The following GFOD1 variants were observed in gnomAD, a reference collection of about 807,000 sequenced individuals.
GFOD1 encodes glucose-fructose oxidoreductase domain-containing protein 1.
A neutral mutation model predicts 25.4 loss-of-function variants in GFOD1; 9 were observed. That is an observed-to-expected ratio of 0.35 (90% CI 0.21 to 0.62). GFOD1 has a LOEUF of 0.62. Among genes scored for constraint, GFOD1 ranks in the 20% least tolerant of loss-of-function variants. The pLI, the probability that GFOD1 is intolerant of heterozygous loss-of-function variation, is 0.72. For missense variants in GFOD1, 403 were observed against 556.9 expected (o/e 0.72, Z 2.78); for synonymous variants, 253 against 245.6 (o/e 1.03, Z -0.28).
chr6:13,364,425 A>G lies in GFOD1; in HGVS notation c.*318T>C. ...GGATGGATGAGGTAGGGAGGGAAGC[A>G]ACCCCTCCTTGCTTGTCACAGTAAA... On this transcript the variant is annotated 3_prime_UTR_variant, in exon 2 of 2. Transcript: ENST00000379287. This position sits in a 1 kb window ranked among gnomAD's most constrained non-coding sequence, Gnocchi z 4.1. 3.0e-6 allele frequency: 1 copy of G among 330,062 alleles called. No individual in the cohort carries two copies. The highest frequency in any genetic ancestry group is 5.6e-6 in the Non-Finnish European group (1 of 177,158). The allele number at this position is 330,062 out of a possible 1,614,324, so 20.4% of individuals were successfully genotyped here.
chr6:13,462,857 G>GT (rs1458644282), intron 1 of GFOD1, among the ~76,000 whole-genome samples: 1 of 152,184 alleles, frequency 6.6e-6, no homozygotes, highest in Non-Finnish European at 1.5e-5. Context: ...ATCTCCGTTC[G>GT]TAACATTCTG....
intron 1 of GFOD1, among the ~76,000 whole-genome samples, chr6:13,424,289 T>A (rs768487135): frequency 4.6e-5 from 7 of 152,246 alleles, no homozygotes; most frequent in Non-Finnish European, 8.8e-5. Context: ...ATAACCCTGA[T>A]GCATTGGTTC....
At chr6:13,401,961 G>C (rs1292047017) in intron 1 of GFOD1, among the ~76,000 whole-genome samples, 1 of 152,198 alleles carries the variant, frequency 6.6e-6, no homozygotes, top group East Asian at 1.9e-4. Context: ...CAGTAATCAT[G>C]ATGGTGTACT....
At chr6:13,392,836 G>A (rs560751959) in intron 1 of GFOD1, among the ~76,000 whole-genome samples, 50 of 151,992 alleles carry the variant, frequency 3.3e-4, no homozygotes, top group African/African-American at 1.2e-3. Flanking sequence ...CGGGAGGATC[G>A]CTTGAGGCCA....
intron 1 of GFOD1, chr6:13,469,702 T>C: frequency 1.0e-5 from 12 of 1,181,220 alleles, no homozygotes; most frequent in Non-Finnish European, 9.6e-6. Flanking sequence ...AAAGCCCTTT[T>C]AGACATATCT....
At chr6:13,401,992 A>G (rs757869605) in intron 1 of GFOD1, among the ~76,000 whole-genome samples, 1 of 152,270 alleles carries the variant, frequency 6.6e-6, no homozygotes, top group Non-Finnish European at 1.5e-5. Context: ...GGATGAACAA[A>G]TAGATCAATG....
chr6:13,378,089 G>A (rs1045721661), intron 1 of GFOD1, among the ~76,000 whole-genome samples: 3 of 152,182 alleles, frequency 2.0e-5, no homozygotes, highest in Middle Eastern at 3.4e-3. Context: ...TGGCATCAGG[G>A]GCTTCCCTTT....
At chr6:13,432,012 C>T (rs1046518706) in intron 1 of GFOD1, among the ~76,000 whole-genome samples, 4 of 152,178 alleles carry the variant, frequency 2.6e-5, no homozygotes, top group African/African-American at 9.7e-5. Flanking sequence ...GTTAACACAG[C>T]TCAGGGAGGA....
At chr6:13,377,538 T>G (rs1027527172) in intron 1 of GFOD1, among the ~76,000 whole-genome samples, 1 of 152,192 alleles carries the variant, frequency 6.6e-6, no homozygotes, top group African/African-American at 2.4e-5. Flanking sequence ...CATGTGGAAG[T>G]TGGATGCTTC....
chr6:13,465,187 G>A (rs1341871423), intron 1 of GFOD1, among the ~76,000 whole-genome samples: 5 of 150,378 alleles, frequency 3.3e-5, no homozygotes, highest in Non-Finnish European at 7.4e-5. Context: ...GAATTGTCTT[G>A]GGCCACATAC....
chr6:13,477,648 TTAATAA>T (rs141229999), intron 1 of GFOD1, among the ~76,000 whole-genome samples: 3,372 of 152,212 alleles, frequency 0.022, 42 homozygotes, highest in Non-Finnish European at 0.035. Flanking sequence ...TAATAATAAT[TTAATAA>T]TAATAACTAG....
intron 1 of GFOD1, among the ~76,000 whole-genome samples, chr6:13,474,752 C>T (rs1335331951): frequency 1.1e-4 from 16 of 152,166 alleles, no homozygotes; most frequent in Admixed American, 1.0e-3. Flanking sequence ...AGACACTGGG[C>T]AGAATAGGTG....
chr6:13,407,684 C>G (rs1785973425), intron 1 of GFOD1, among the ~76,000 whole-genome samples: 1 of 152,154 alleles, frequency 6.6e-6, no homozygotes, highest in African/African-American at 2.4e-5. Context: ...GTGCAAATGT[C>G]ATCTTCTGCC....
chr6:13,452,284 C>T (rs897856223), intron 1 of GFOD1, among the ~76,000 whole-genome samples: 10 of 152,090 alleles, frequency 6.6e-5, no homozygotes, highest in African/African-American at 2.2e-4. Context: ...AGCATTGCAT[C>T]GATATTAAAA....
intron 1 of GFOD1, among the ~76,000 whole-genome samples, chr6:13,395,098 T>C (rs1785701629): frequency 6.6e-6 from 1 of 152,230 alleles, no homozygotes; most frequent in South Asian, 2.1e-4. Flanking sequence ...TCTTTCTTTT[T>C]TCTCGTAGAG....
intron 1 of GFOD1, among the ~76,000 whole-genome samples, chr6:13,403,510 G>A (rs1417566618): frequency 6.6e-6 from 1 of 152,196 alleles, no homozygotes; most frequent in Non-Finnish European, 1.5e-5. Context: ...TGTATAGCAT[G>A]TTATTGCACT....
Position 13,365,253 on chromosome 6 carries a change from G to A in GFOD1, c.663C>T (p.Cys221=). ...GIRQITSDDF[C]TFQMVLEGGV... is the part of the protein sequence containing the mutation. ...CGCCCTCCAGCACCATCTGGAAGGT[G>A]CAGAAGTCATCGCTGGTGATCTGTC... The change falls in exon 2 of 2, where the codon TGC becomes TGT. Residue 221 remains cysteine, a synonymous_variant. Transcript: ENST00000379287. This position sits in a 1 kb window ranked among gnomAD's most constrained non-coding sequence, Gnocchi z 9.2. 6.2e-7 allele frequency: 1 copy of A among 1,614,228 alleles called. No homozygotes were observed. The highest frequency in any genetic ancestry group is 1.1e-5 in the South Asian group (1 of 91,092).
intron 1 of GFOD1, among the ~76,000 whole-genome samples, chr6:13,400,399 A>C (rs1322435880): frequency 1.3e-5 from 2 of 152,062 alleles, no homozygotes; most frequent in South Asian, 2.1e-4. Context: ...GCTCCTAGGC[A>C]CCTCTGTGCT....
chr6:13,486,212 G>GGC (rs1758862466), intron 1 of GFOD1: 59 of 979,558 alleles, frequency 6.0e-5, no homozygotes, highest in Non-Finnish European at 6.9e-5. Flanking sequence ...GCCTCTCCCA[G>GGC]GCGCGCGCGC....
Sources: allele counts gnomAD v4.1 joint callset (sites outside exome capture counted in the v4.1 genomes callset), GRCh38; gene constraint gnomAD v4.1.1; non-coding constraint Gnocchi (gnomAD v3.1); transcripts MANE v1.5; gene names NCBI Gene and HGNC (gene_info 2026-07-23, HGNC 2026-07-21).